Variants in SPRED2 observed in about 807,000 individuals in gnomAD.
SPRED2 encodes sprouty related EVH1 domain containing 2, also known as sprouty-related, EVH1 domain-containing protein 2.
A neutral mutation model predicts 43.0 loss-of-function variants in SPRED2; 47 were observed. The observed-to-expected ratio is 1.09, with a 90% confidence interval of 0.87 to 1.40. SPRED2 has a LOEUF of 1.40. SPRED2 is among the 40% of genes most tolerant of loss of function. The pLI, the probability that SPRED2 is intolerant of heterozygous loss-of-function variation, is 0.00. For synonymous variants in SPRED2, 225 were observed against 225.7 expected, an observed-to-expected ratio of 1.00 and a Z score of 0.03; for missense variants, 561 against 586.4, an observed-to-expected ratio of 0.96 and a Z score of 0.45.
At chr2:65,386,311 A>C in intron 1 of SPRED2, among the ~76,000 whole-genome samples, 2 of 137,344 alleles carry the variant, frequency 1.5e-5, no homozygotes, top group Non-Finnish European at 3.2e-5. Flanking sequence ...AAAAGAAAGC[A>C]CTGGTATCAG....
intron 1 of SPRED2, among the ~76,000 whole-genome samples, chr2:65,353,730 T>C (rs1184789811): frequency 6.6e-6 from 1 of 152,236 alleles, no homozygotes; most frequent in Non-Finnish European, 1.5e-5. Context: ...GAAAATATTA[T>C]AGATTTAATA....
chr2:65,422,104 A>ACACACACACACACACACACTCTCTCT (rs1299857849), intron 1 of SPRED2, among the ~76,000 whole-genome samples: 1 of 128,938 alleles, frequency 7.8e-6, no homozygotes, highest in Non-Finnish European at 1.7e-5. Context: ...ACACACACAC[A>ACACACACACACACACACACTCTCTCT]CTCTCTCTCT....
At chr2:65,337,833 T>G (rs145264187) in intron 2 of SPRED2, among the ~76,000 whole-genome samples, 8 of 152,352 alleles carry the variant, frequency 5.3e-5, no homozygotes, top group African/African-American at 1.7e-4. Context: ...CTTATCTATA[T>G]TTGAAGTATA....
intron 4 of SPRED2, among the ~76,000 whole-genome samples, chr2:65,318,170 C>T (rs1325905711): frequency 1.3e-5 from 2 of 152,192 alleles, no homozygotes; most frequent in African/African-American, 4.8e-5. Context: ...CTTTTTTTGC[C>T]TGCCACCATC....
At chr2:65,342,190 AT>A (rs1675171571) in intron 2 of SPRED2, among the ~76,000 whole-genome samples, 1 of 148,088 alleles carries the variant, frequency 6.8e-6, no homozygotes, top group Non-Finnish European at 1.5e-5. Flanking sequence ...TATATTTTAT[AT>A]ACGTATATTA....
At chr2:65,314,917 T>G (rs1282060642) in intron 5 of SPRED2, among the ~76,000 whole-genome samples, 1 of 151,950 alleles carries the variant, frequency 6.6e-6, no homozygotes, top group Non-Finnish European at 1.5e-5. Flanking sequence ...GAAACTGAAG[T>G]TTCACTCCTG....
intron 1 of SPRED2, among the ~76,000 whole-genome samples, chr2:65,400,794 C>A (rs190197119): frequency 3.9e-5 from 6 of 152,294 alleles, no homozygotes; most frequent in Non-Finnish European, 8.8e-5. Flanking sequence ...GCAGCAAAAA[C>A]TCCAGCTATC....
intron 1 of SPRED2, among the ~76,000 whole-genome samples, chr2:65,404,704 G>A (rs1450124103): frequency 6.6e-6 from 1 of 152,176 alleles, no homozygotes. Flanking sequence ...CCAACTTTGG[G>A]ACACAAGATC....
At chr2:65,342,478 C>T (rs995432002) in intron 2 of SPRED2, among the ~76,000 whole-genome samples, 2 of 149,070 alleles carry the variant, frequency 1.3e-5, no homozygotes, top group African/African-American at 2.5e-5. Flanking sequence ...ATTTTGTATA[C>T]GTATATTATA....
chr2:65,367,358 G>A (rs1675002783), intron 1 of SPRED2, among the ~76,000 whole-genome samples: 1 of 152,264 alleles, frequency 6.6e-6, no homozygotes, highest in Non-Finnish European at 1.5e-5. Flanking sequence ...GTAAAGAAAT[G>A]TGGCAAAATC....
At chr2:65,427,230 C>T (rs268124) in intron 1 of SPRED2, among the ~76,000 whole-genome samples, 101,207 of 151,472 alleles carry the variant, frequency 0.67, 34,802 homozygotes, top group East Asian at 0.84. Context: ...CGCTACCACA[C>T]GCGGCTAATT....
chr2:65,398,240 A>T (rs549558112), intron 1 of SPRED2, among the ~76,000 whole-genome samples: 1 of 152,394 alleles, frequency 6.6e-6, no homozygotes, highest in South Asian at 2.1e-4. Context: ...AATCAACTCA[A>T]GATGGACCAA....
rs926479311 is a variant in SPRED2 at position 65,338,827 on chromosome 2, G to C, written c.205-4054C>G. 5.1e-4 allele frequency among the ~76,000 whole-genome samples: 78 copies of C among 151,668 alleles called. No homozygotes were observed. The South Asian group carries it at 0.016, about 31-fold the overall frequency. On this transcript the variant is annotated intron_variant, in intron 2 of 5. Transcript: ENST00000356388. ...TGGAAAGTGAGGAGCGTCTCTGCCCGGCCGCCATCCCACCTGGGAAGTGAG... is the reference window on the plus strand; with the variant it reads ...TGGAAAGTGAGGAGCGTCTCTGCCCCGCCGCCATCCCACCTGGGAAGTGAG...
Position 65,334,770 on chromosome 2 carries a change from C to T in SPRED2, c.208G>A (p.Val70Ile). 1 of 1,614,140 alleles carries T rather than the reference C, an allele frequency of 6.2e-7. No individual in the cohort carries two copies. Among genetic ancestry groups the T allele is most frequent in the Non-Finnish European group, 8.5e-7 (1 of 1,180,006 alleles). ...TCCTTTCTTACATAGCATTCCAATA[C>T]CACCTGAAGGATGGAAACACACAGG... ...HGERQKDKLV[V>I]LECYVRKDLV... Residue 70 changes from valine to isoleucine, a missense_variant, in exon 3 of 6, where the codon GTA becomes ATA. Physicochemically the swap from Val to Ile is conservative, Grantham distance 29. Transcript: ENST00000356388.
chr2:65,369,489 C>T (rs1675069095), intron 1 of SPRED2, among the ~76,000 whole-genome samples: 1 of 152,186 alleles, frequency 6.6e-6, no homozygotes, highest in Non-Finnish European at 1.5e-5. Context: ...TTTACTTTTA[C>T]TCTAAGTTTT....
intron 1 of SPRED2, among the ~76,000 whole-genome samples, chr2:65,395,668 G>A (rs915770445): frequency 3.9e-5 from 6 of 152,122 alleles, no homozygotes; most frequent in African/African-American, 7.2e-5. Context: ...GGTAGAAGTG[G>A]GCATCAACAG....
intron 1 of SPRED2, among the ~76,000 whole-genome samples, chr2:65,347,645 C>A (rs1283910169): frequency 1.3e-5 from 2 of 152,190 alleles, no homozygotes; most frequent in African/African-American, 4.8e-5. Context: ...GGGCCAACTT[C>A]CTCCACTTAA....
chr2:65,325,060 G>A (rs1349589272), intron 4 of SPRED2, among the ~76,000 whole-genome samples: 2 of 152,212 alleles, frequency 1.3e-5, no homozygotes, highest in Non-Finnish European at 2.9e-5. Flanking sequence ...CTGGTTCACA[G>A]CCTTCTCAAG....
chr2:65,422,875 C>G (rs1676464767), intron 1 of SPRED2, among the ~76,000 whole-genome samples: 1 of 152,076 alleles, frequency 6.6e-6, no homozygotes, highest in Non-Finnish European at 1.5e-5. Context: ...AGCTGTTGAG[C>G]CCAGGCACAT....
Sources: allele counts gnomAD v4.1 joint callset (sites outside exome capture counted in the v4.1 genomes callset), GRCh38; gene constraint gnomAD v4.1.1; transcripts MANE v1.5; gene names NCBI Gene and HGNC (gene_info 2026-07-23, HGNC 2026-07-21).